Variants in ARHGEF28 observed in about 807,000 individuals in gnomAD.
The protein encoded by ARHGEF28 is Rho guanine nucleotide exchange factor 28, also known as 190 kDa guanine nucleotide exchange factor.
In ARHGEF28, 152 loss-of-function variants were observed where a neutral mutation model predicts 206.6. That is an observed-to-expected ratio of 0.74 (90% confidence interval 0.64 to 0.84). The LOEUF (loss-of-function observed/expected upper bound fraction) is 0.84. ARHGEF28 is among the 40% of genes least tolerant of loss of function. ARHGEF28 has a pLI of 0.00. For missense variants in ARHGEF28, 2,028 were observed against 2,073.2 expected (o/e 0.98, Z 0.42); for synonymous variants, 763 against 776.4 (o/e 0.98, Z 0.29).
At chr5:73,775,129 C>T (rs1753469723) in intron 5 of ARHGEF28, among the ~76,000 whole-genome samples, 1 of 152,154 alleles carries the variant, frequency 6.6e-6, no homozygotes, top group East Asian at 1.9e-4. Flanking sequence ...CTAAAAAGGG[C>T]AAGGCAAGAA....
chr5:73,840,241 G>A (rs1757900741), intron 10 of ARHGEF28, among the ~76,000 whole-genome samples: 1 of 152,114 alleles, frequency 6.6e-6, no homozygotes, highest in Non-Finnish European at 1.5e-5. Flanking sequence ...CAGTCTCTGA[G>A]TAGCTGGGAT....
chr5:73,904,105 T>C (rs1412623176), intron 31 of ARHGEF28, 117 bp from the exon 32 acceptor site: 2 of 944,614 alleles, frequency 2.1e-6, no homozygotes, highest in Non-Finnish European at 3.3e-6. Context: ...ATAGATAAGG[T>C]AATCAAGTTT....
intron 2 of ARHGEF28, among the ~76,000 whole-genome samples, chr5:73,691,151 A>G (rs1239930331): frequency 1.3e-5 from 2 of 152,074 alleles, no homozygotes; most frequent in African/African-American, 4.8e-5. Context: ...GCTGGTCTCA[A>G]ACTTCTGGGC....
At chr5:73,706,057 A>C (rs1356812299) in intron 2 of ARHGEF28, among the ~76,000 whole-genome samples, 3 of 152,202 alleles carry the variant, frequency 2.0e-5, no homozygotes, top group African/African-American at 7.2e-5. Flanking sequence ...GCAGCCATCA[A>C]AGCTCTGAGT....
Position 73,848,979 on chromosome 5 carries a change from T to C in ARHGEF28, c.1639T>C (p.Ser547Pro), listed in dbSNP as rs1206217692. The change falls in exon 13 of 36, where the codon TCA (serine) becomes CCA (proline). Residue 547 changes from serine to proline, a missense_variant. Coordinates refer to ENST00000513042, the MANE Select transcript of ARHGEF28 (RefSeq NM_001177693.2). ...ACTTTATTATAATCTCTTTTAGGAA[T>C]CACTGCTTTCTGGAGTTCGCTCACG... ...PLSSNLQSKE[S>P]LLSGVRSRSY... 1 of 1,552,114 alleles carries C rather than the reference T, an allele frequency of 6.4e-7. No individual in the cohort carries two copies.
intron 9 of ARHGEF28, among the ~76,000 whole-genome samples, chr5:73,828,774 C>A (rs779022651): frequency 1.3e-5 from 2 of 150,738 alleles, no homozygotes; most frequent in Non-Finnish European, 3.0e-5. Flanking sequence ...GTCCTTCCTT[C>A]CTTTCCTTCC....
intron 1 of ARHGEF28, among the ~76,000 whole-genome samples, chr5:73,651,243 A>C (rs2544639): frequency 0.8 from 120,707 of 151,756 alleles, 48,762 homozygotes; most frequent in African/African-American, 0.94. Flanking sequence ...GGGCTTACTT[A>C]CCAGCTCGAC....
At chr5:73,853,782 T>C (rs1191497188) in intron 14 of ARHGEF28, among the ~76,000 whole-genome samples, 1 of 152,226 alleles carries the variant, frequency 6.6e-6, no homozygotes, top group East Asian at 1.9e-4. Context: ...TTCTGGAATT[T>C]GATCTTCATC....
intron 4 of ARHGEF28, among the ~76,000 whole-genome samples, chr5:73,772,629 T>A (rs559943340): frequency 6.6e-6 from 1 of 152,314 alleles, no homozygotes; most frequent in African/African-American, 2.4e-5. Flanking sequence ...TCCTCCCGCG[T>A]TGGCCTCCCA....
intron 2 of ARHGEF28, among the ~76,000 whole-genome samples, chr5:73,703,977 T>C (rs1336123227): frequency 6.6e-6 from 1 of 151,426 alleles, no homozygotes; most frequent in Non-Finnish European, 1.5e-5. Flanking sequence ...TGAGCCAAGA[T>C]TGCACCACTG....
chr5:73,680,434 CAAAAAAAAAAA>C (rs71615795), intron 1 of ARHGEF28, among the ~76,000 whole-genome samples: 1 of 30,512 alleles, frequency 3.3e-5, no homozygotes, highest in Non-Finnish European at 5.9e-5. Context: ...GACTCCATCT[CAAAAAAAAAAA>C]AAAAAAAAAA....
At chr5:73,886,195 T>G in intron 25 of ARHGEF28, 91 bp downstream of exon 25, 1 of 1,468,738 alleles carries the variant, frequency 6.8e-7, no homozygotes, top group African/African-American at 1.4e-5. Flanking sequence ...AGTTCAGAAT[T>G]GCAGGCACAC....
chr5:73,882,417 G>A (rs569186441), intron 22 of ARHGEF28, 55 bp from the exon 23 acceptor site: 9 of 1,192,816 alleles, frequency 7.5e-6, no homozygotes, highest in South Asian at 2.1e-5. Context: ...CATATTTTTT[G>A]TGTGTTTAGA....
At chr5:73,834,028 C>G (rs189652390) in intron 10 of ARHGEF28, among the ~76,000 whole-genome samples, 55 of 151,980 alleles carry the variant, frequency 3.6e-4, no homozygotes, top group South Asian at 1.3e-3. Flanking sequence ...TAGCCATGTT[C>G]TAGTATTTAT....
At chr5:73,820,040 C>G (rs566040067) in intron 9 of ARHGEF28, among the ~76,000 whole-genome samples, 1 of 152,218 alleles carries the variant, frequency 6.6e-6, no homozygotes, top group East Asian at 1.9e-4. Flanking sequence ...GGCGGCCAGC[C>G]CATTATCACA....
At chr5:73,759,733 T>C (rs529182029) in intron 4 of ARHGEF28, among the ~76,000 whole-genome samples, 1 of 152,340 alleles carries the variant, frequency 6.6e-6, no homozygotes, top group South Asian at 2.1e-4. Context: ...ATATTGCTTC[T>C]TATCTGCAGG....
chr5:73,646,471 A>G (rs970305), intron 1 of ARHGEF28, among the ~76,000 whole-genome samples: 120,164 of 152,114 alleles, frequency 0.79, 48,114 homozygotes, highest in African/African-American at 0.92. Context: ...TTTTTGCAGC[A>G]TGTTCCTTGG....
chr5:73,661,896 A>G (rs893135153), intron 1 of ARHGEF28, among the ~76,000 whole-genome samples: 2 of 152,372 alleles, frequency 1.3e-5, no homozygotes, highest in African/African-American at 4.8e-5. Flanking sequence ...TCAAAATGTG[A>G]CACAGAGACA....
At chr5:73,767,416 A>G (rs1752955900) in intron 4 of ARHGEF28, among the ~76,000 whole-genome samples, 2 of 152,198 alleles carry the variant, frequency 1.3e-5, no homozygotes, top group South Asian at 4.1e-4. Context: ...TTTGCCCAAA[A>G]TGATTATAGC....
Sources: gnomAD v4.1 joint callset for allele counts (sites outside exome capture counted in the v4.1 genomes callset) on GRCh38, gnomAD v4.1.1 for gene constraint, MANE v1.5 for transcripts, NCBI Gene and HGNC (gene_info 2026-07-23, HGNC 2026-07-21) for gene names.